The following NXPE2 variants were observed in gnomAD, a reference collection of about 807,000 sequenced individuals.
NXPE2 encodes neurexophilin and PC-esterase domain family member 2.
NXPE2 carries 34 observed loss-of-function variants against 34.4 expected under a neutral mutation model. The observed-to-expected ratio is 0.99, with a 90% CI of 0.75 to 1.31. NXPE2 has a LOEUF of 1.31. Among genes scored for constraint, NXPE2 ranks in the 40% most tolerant of loss-of-function variants. The pLI, the probability that NXPE2 is intolerant of heterozygous loss-of-function variation, is 0.00. For synonymous variants in NXPE2, 235 were observed against 231.3 expected, an observed-to-expected ratio of 1.02 and a Z score of -0.15; for missense variants, 649 against 672.5, an observed-to-expected ratio of 0.97 and a Z score of 0.39.
chr11:114,500,210 A>G, the NXPE2 span, among the ~76,000 whole-genome samples: 2 of 152,050 alleles, frequency 1.3e-5, no homozygotes, highest in African/African-American at 4.8e-5. Flanking sequence ...TCTTTGTACC[A>G]TATATATATT....
chr11:114,585,755 A>G, the NXPE2 span, among the ~76,000 whole-genome samples: 1 of 152,174 alleles, frequency 6.6e-6, no homozygotes, highest in East Asian at 1.9e-4. Context: ...AGGAGCCCCC[A>G]AATCATTTCT....
chr11:114,757,183 C>T, the NXPE2 span, among the ~76,000 whole-genome samples: 1 of 152,102 alleles, frequency 6.6e-6, no homozygotes, highest in Non-Finnish European at 1.5e-5. Flanking sequence ...AATGTATCCT[C>T]ATAACATACA....
intron 2 of NXPE2, among the ~76,000 whole-genome samples, chr11:114,685,844 T>C (rs1020239329): frequency 1.3e-4 from 20 of 152,174 alleles, no homozygotes; most frequent in African/African-American, 4.8e-4. Flanking sequence ...TGCATAATTC[T>C]ACTACATAAT....
chr11:114,695,830 A>AACACACAC (rs67132329), intron 2 of NXPE2, among the ~76,000 whole-genome samples: 14,510 of 132,450 alleles, frequency 0.11, 899 homozygotes, highest in Middle Eastern at 0.18. Flanking sequence ...GTCTCTACTA[A>AACACACAC]ACACACACAC....
downstream of NXPE2, chr11:114,707,403 A>G (rs1385400503): frequency 2.4e-6 from 1 of 421,930 alleles, no homozygotes; most frequent in Non-Finnish European, 4.7e-6. Flanking sequence ...GCATTATTTT[A>G]TTTTATTTTT....
the NXPE2 span, among the ~76,000 whole-genome samples, chr11:114,662,724 G>T: frequency 6.6e-6 from 1 of 152,060 alleles, no homozygotes; most frequent in Non-Finnish European, 1.5e-5. Context: ...AGCAGGATAG[G>T]GTATGGGTCA....
chr11:114,506,577 T>C, the NXPE2 span, among the ~76,000 whole-genome samples: 330 of 152,168 alleles, frequency 2.2e-3, 1 homozygote, highest in African/African-American at 7.4e-3. Context: ...GACTAAGAAA[T>C]TCACCCACAA....
At chr11:114,677,620 A>G (rs1438377048), upstream of NXPE2, among the ~76,000 whole-genome samples, 9 of 152,076 alleles carry the variant, frequency 5.9e-5, no homozygotes, top group Non-Finnish European at 1.5e-5. Context: ...TACAGTTCTG[A>G]TATCCATGCT....
the NXPE2 span, among the ~76,000 whole-genome samples, chr11:114,739,400 C>G: frequency 2.2e-5 from 3 of 137,550 alleles, no homozygotes; most frequent in African/African-American, 8.1e-5. Context: ...TCCTCCCTCC[C>G]TCCCTCGCTC....
At chr11:114,582,736 C>T in the NXPE2 span, 1 of 1,614,170 alleles carries the variant, frequency 6.2e-7, no homozygotes, top group Non-Finnish European at 8.5e-7. Context: ...TTCCTGCGTC[C>T]CAAGTGGTCC....
the NXPE2 span, among the ~76,000 whole-genome samples, chr11:114,603,234 T>G: frequency 1.3e-5 from 2 of 151,820 alleles, no homozygotes; most frequent in African/African-American, 4.8e-5. Flanking sequence ...GGATGATAAG[T>G]ATTGCCTCGT....
At chr11:114,751,031 G>T in the NXPE2 span, among the ~76,000 whole-genome samples, 1 of 152,110 alleles carries the variant, frequency 6.6e-6, no homozygotes, top group South Asian at 2.1e-4. Context: ...GTCACTCAGG[G>T]ACTCAGGCTG....
At chr11:114,538,917 A>T in the NXPE2 span, among the ~76,000 whole-genome samples, 1 of 152,302 alleles carries the variant, frequency 6.6e-6, no homozygotes, top group East Asian at 1.9e-4. Context: ...CATTTGACCC[A>T]GCCATCCCAT....
the NXPE2 span, among the ~76,000 whole-genome samples, chr11:114,485,137 G>C: frequency 2.6e-5 from 4 of 152,062 alleles, no homozygotes; most frequent in African/African-American, 9.7e-5. Context: ...AACACATCAG[G>C]GTAAAAGGGG....
the NXPE2 span, among the ~76,000 whole-genome samples, chr11:114,579,138 T>C: frequency 6.6e-6 from 1 of 152,092 alleles, no homozygotes; most frequent in Non-Finnish European, 1.5e-5. Context: ...CTTTTAGTCA[T>C]GGCGGAAGGG....
the NXPE2 span, among the ~76,000 whole-genome samples, chr11:114,772,348 A>T: frequency 9.2e-5 from 14 of 152,142 alleles, no homozygotes; most frequent in Admixed American, 5.9e-4. Flanking sequence ...TAAAGCAAAA[A>T]AGGAAACTAT....
At chr11:114,585,988 G>C in the NXPE2 span, among the ~76,000 whole-genome samples, 4 of 152,168 alleles carry the variant, frequency 2.6e-5, no homozygotes, top group Non-Finnish European at 5.9e-5. Context: ...TCTGCATAAT[G>C]AAAGATTAGA....
the NXPE2 span, among the ~76,000 whole-genome samples, chr11:114,637,836 G>C: frequency 2.0e-5 from 3 of 152,042 alleles, no homozygotes; most frequent in Non-Finnish European, 4.4e-5. Context: ...GAGATCTGCT[G>C]TTAGTCTGAT....
chr11:114,535,847 C>T, the NXPE2 span, among the ~76,000 whole-genome samples: 1 of 152,008 alleles, frequency 6.6e-6, no homozygotes, highest in East Asian at 1.9e-4. Flanking sequence ...ACGTTAACAC[C>T]CCACTGTCAA....
Sources: allele counts gnomAD v4.1 joint callset (sites outside exome capture counted in the v4.1 genomes callset), GRCh38; gene constraint gnomAD v4.1.1; transcripts MANE v1.5; gene names NCBI Gene and HGNC (gene_info 2026-07-23, HGNC 2026-07-21).